The following PTBP3 variants were observed in gnomAD, a reference collection of about 807,000 sequenced individuals.
PTBP3 encodes polypyrimidine tract binding protein 3, also known as polypyrimidine tract-binding protein 3.
Under a neutral mutation model 58.7 loss-of-function variants are expected in PTBP3, and 20 were observed. That is an observed-to-expected ratio of 0.34 (90% CI 0.24 to 0.50). The LOEUF (loss-of-function observed/expected upper bound fraction) is 0.50. Ranked by LOEUF, PTBP3 falls within the 20% of genes least tolerant of loss-of-function variation. The pLI is 0.98. For synonymous variants in PTBP3, 185 were observed against 219.8 expected, an observed-to-expected ratio of 0.84 and a Z score of 1.40; for missense variants, 509 against 637.2, an observed-to-expected ratio of 0.80 and a Z score of 2.17.
Position 112,222,390 on chromosome 9 carries a change from GAA to G in PTBP3, c.*1459_*1460del. Reference sequence around the variant, plus strand: ...TCCAAATACGTGGGTACTCAGTAATGAAAGTCACATTAACAAAGAAAAGCAAG... The same window carrying G: ...TCCAAATACGTGGGTACTCAGTAATGAGTCACATTAACAAAGAAAAGCAAG... On this transcript the variant is annotated 3_prime_UTR_variant, in exon 14 of 14. Coordinates refer to ENST00000374257, the MANE Select transcript of PTBP3 (RefSeq NM_001163788.4). The G allele has an allele frequency of 1.0e-6, 1 of 985,662 alleles. No homozygotes were observed. Among genetic ancestry groups the G allele is most frequent in the African/African-American group, 1.7e-5 (1 of 57,346 alleles). 61.1% of individuals were successfully genotyped at this position (985,662 alleles called of 1,614,324 possible).
At chr9:112,337,813 A>G (rs2132516521), upstream of PTBP3, among the ~76,000 whole-genome samples, 1 of 152,360 alleles carries the variant, frequency 6.6e-6, no homozygotes, top group African/African-American at 2.4e-5. Flanking sequence ...GCATTCCAGT[A>G]GGCAGTGGTT....
chr9:112,239,966 T>C (rs533245576), intron 7 of PTBP3, among the ~76,000 whole-genome samples: 1 of 151,756 alleles, frequency 6.6e-6, no homozygotes, highest in South Asian at 2.1e-4. Flanking sequence ...TCTCTCTCAG[T>C]GTACCTGGGA....
the PTBP3 span, among the ~76,000 whole-genome samples, chr9:112,363,561 A>ACACACACAC: frequency 8.3e-4 from 64 of 77,456 alleles, no homozygotes; most frequent in African/African-American, 4.2e-3. Flanking sequence ...CACACACACA[A>ACACACACAC]AGGCTATTCT....
chr9:112,222,786 C>T lies in PTBP3; in HGVS notation c.*1065G>A. The T allele has an allele frequency of 1.1e-6, 1 of 931,720 alleles. No homozygotes were observed. The highest frequency in any genetic ancestry group is 1.3e-6 in the Non-Finnish European group (1 of 780,898). The allele number at this position is 931,720 out of a possible 1,614,324, so 57.7% of individuals were successfully genotyped here. A position where few individuals can be genotyped will look rare whatever the true frequency, so the allele number is the denominator to read the frequency against. On this transcript the variant is annotated 3_prime_UTR_variant, in exon 14 of 14. Coordinates refer to ENST00000374257, the MANE Select transcript of PTBP3 (RefSeq NM_001163788.4). The stretch of plus-strand genomic sequence containing the variant: ...AAACTCTAACCTATTGTATCTTAAG[C>T]ACATAATAAGGCACATAATAAGAAA...
the PTBP3 span, among the ~76,000 whole-genome samples, chr9:112,373,020 A>G: frequency 2.6e-5 from 2 of 76,316 alleles, no homozygotes; most frequent in African/African-American, 1.1e-4. Context: ...TCAGCCTTCC[A>G]AGTAGCTGGG....
chr9:112,262,719 T>C (rs1836650702), intron 4 of PTBP3, 120 bp from the exon 5 acceptor site: 2 of 873,798 alleles, frequency 2.3e-6, no homozygotes, highest in Admixed American at 8.3e-5. Flanking sequence ...ATTTATCTAC[T>C]CCGTCTGGAG....
intron 6 of PTBP3, among the ~76,000 whole-genome samples, chr9:112,251,565 C>G (rs1171670443): frequency 3.3e-5 from 5 of 152,040 alleles, no homozygotes; most frequent in Admixed American, 3.3e-4. Flanking sequence ...TTGTCAGAGC[C>G]ACAATACATA....
At chr9:112,368,720 G>A in the PTBP3 span, among the ~76,000 whole-genome samples, 1 of 152,174 alleles carries the variant, frequency 6.6e-6, no homozygotes, top group Admixed American at 6.5e-5. Flanking sequence ...TTTGGGCCAG[G>A]GGAGATGAAA....
At chr9:112,338,242 T>A (rs1422904171), upstream of PTBP3, among the ~76,000 whole-genome samples, 1 of 152,202 alleles carries the variant, frequency 6.6e-6, no homozygotes, top group Non-Finnish European at 1.5e-5. Flanking sequence ...ATAAAACAGT[T>A]CTGTGTCTTG....
intron 7 of PTBP3, among the ~76,000 whole-genome samples, chr9:112,241,923 G>C (rs1343053036): frequency 6.6e-6 from 1 of 152,052 alleles, no homozygotes; most frequent in Non-Finnish European, 1.5e-5. Flanking sequence ...CCTTCTGTCT[G>C]GCTTCTCTTG....
intron 1 of PTBP3, among the ~76,000 whole-genome samples, chr9:112,325,843 CCTAGT>C (rs1173716952): frequency 2.0e-5 from 3 of 152,124 alleles, no homozygotes; most frequent in Admixed American, 1.3e-4. Flanking sequence ...CATGGCGAAA[CCTAGT>C]CTCTACAAAA....
intron 5 of PTBP3, among the ~76,000 whole-genome samples, chr9:112,259,378 G>A (rs1373846481): frequency 6.6e-6 from 1 of 152,148 alleles, no homozygotes; most frequent in Non-Finnish European, 1.5e-5. Context: ...TAAAAGCTTT[G>A]CATCACCACT....
chr9:112,228,352 A>T lies in PTBP3; in HGVS notation c.1147+28T>A, dbSNP rs777470618. ...CACACAAAAGGGGCAAGTTCACATT[A>T]TTATTAATAATTATTAATCATTAGT... On this transcript the variant is annotated intron_variant, in intron 11 of 13. Coordinates refer to ENST00000374257, the MANE Select transcript of PTBP3 (RefSeq NM_001163788.4). 3 of 1,493,632 alleles carry T rather than the reference A, an allele frequency of 2.0e-6. No homozygotes were observed. In the South Asian group the frequency reaches 3.8e-5, roughly 19 times the overall value. 92.5% of individuals were successfully genotyped at this position (1,493,632 alleles called of 1,614,324 possible). A position where few individuals can be genotyped will look rare whatever the true frequency, so the allele number is the denominator to read the frequency against.
At chr9:112,372,248 A>G in the PTBP3 span, among the ~76,000 whole-genome samples, 4 of 151,948 alleles carry the variant, frequency 2.6e-5, no homozygotes, top group African/African-American at 7.2e-5. Context: ...AGCTAATTAA[A>G]AGAATTTTTT....
chr9:112,325,499 G>A lies in PTBP3; in HGVS notation c.-52+7971C>T, dbSNP rs988980372. On this transcript the variant is annotated intron_variant, in intron 1 of 13. Transcript: ENST00000374257. ...TCCTCACCCTTCAATGTGTCCATAT[G>A]CCTAATTTCTCCTGGTTGTGAGACA... 5.9e-5 allele frequency among the ~76,000 whole-genome samples: 9 copies of A among 151,368 alleles called. No homozygotes were observed. The East Asian group carries it at 1.8e-3, about 30-fold the overall frequency.
the PTBP3 span, among the ~76,000 whole-genome samples, chr9:112,367,051 CAT>C: frequency 6.6e-6 from 1 of 152,204 alleles, no homozygotes; most frequent in African/African-American, 2.4e-5. Context: ...ATGAGCCTAA[CAT>C]AAAATATCTT....
intron 12 of PTBP3, among the ~76,000 whole-genome samples, chr9:112,226,441 C>G (rs891261571): frequency 2.6e-5 from 4 of 152,160 alleles, no homozygotes; most frequent in African/African-American, 9.6e-5. Context: ...ACACATCCCC[C>G]ACAGCTTTTA....
chr9:112,221,799 T>C lies in PTBP3; in HGVS notation c.*2052A>G. On this transcript the variant is annotated 3_prime_UTR_variant, in exon 14 of 14. Transcript: ENST00000374257. ...TGAGTGAATTCTGCTTTTTAAACAA[T>C]CTGTATCATCTCTTGCAGTCTCTAT... is the stretch of plus-strand genomic sequence containing the variant. 1.0e-6 allele frequency: 1 copy of C among 985,280 alleles called. No homozygotes were observed. The highest frequency in any genetic ancestry group is 1.2e-6 in the Non-Finnish European group (1 of 829,764). 61.0% of individuals were successfully genotyped at this position (985,280 alleles called of 1,614,324 possible). A position where few individuals can be genotyped will look rare whatever the true frequency, so the allele number is the denominator to read the frequency against.
the PTBP3 span, among the ~76,000 whole-genome samples, chr9:112,355,859 T>C: frequency 6.6e-6 from 1 of 152,178 alleles, no homozygotes; most frequent in Non-Finnish European, 1.5e-5. Context: ...TCAAGCCATC[T>C]ATCCGGCTTG....
Sources: gnomAD v4.1 joint callset for allele counts (sites outside exome capture counted in the v4.1 genomes callset) on GRCh38, gnomAD v4.1.1 for gene constraint, MANE v1.5 for transcripts, NCBI Gene and HGNC (gene_info 2026-07-23, HGNC 2026-07-21) for gene names.